SLAIN1: variants seen among roughly 807,000 people sequenced by gnomAD.
SLAIN1 encodes the protein SLAIN motif-containing protein 1.
SLAIN1 carries 17 observed loss-of-function variants against 55.4 expected under a neutral mutation model. That is an observed-to-expected ratio of 0.31 (90% CI 0.21 to 0.46). The LOEUF (loss-of-function observed/expected upper bound fraction) is 0.46, where lower values mean the gene tolerates loss of function less well. Ranked by LOEUF, SLAIN1 falls within the 20% of genes least tolerant of loss-of-function variation. The probability of loss-of-function intolerance (pLI) is 1.00; values close to 1 mark genes in which losing one functional copy is unlikely to be tolerated. For missense variants in SLAIN1, 682 were observed against 785.1 expected, an observed-to-expected ratio of 0.87 and a Z score of 1.57; for synonymous variants, 348 against 337.4, an observed-to-expected ratio of 1.03 and a Z score of -0.35.
At chr13:77,723,278 G>C (rs947123562) in intron 2 of SLAIN1, among the ~76,000 whole-genome samples, 5 of 152,138 alleles carry the variant, frequency 3.3e-5, no homozygotes, top group African/African-American at 1.2e-4. Context: ...TTTAGCCTCT[G>C]AAGAGCCATC....
chr13:77,734,744 G>C (rs985476622), intron 2 of SLAIN1, among the ~76,000 whole-genome samples: 4 of 152,132 alleles, frequency 2.6e-5, no homozygotes, highest in African/African-American at 9.7e-5. Flanking sequence ...AATGTTGGCT[G>C]GGCGGTGGCT....
intron 1 of SLAIN1, among the ~76,000 whole-genome samples, chr13:77,707,750 G>A (rs1013816103): frequency 6.6e-6 from 1 of 152,214 alleles, no homozygotes; most frequent in African/African-American, 2.4e-5. Context: ...AGAAAGAAAT[G>A]GGACCAGAAT....
chr13:77,736,540 AAACAAC>A (rs529220062), intron 2 of SLAIN1, among the ~76,000 whole-genome samples: 15 of 151,954 alleles, frequency 9.9e-5, no homozygotes, highest in Non-Finnish European at 1.9e-4. Flanking sequence ...CTCTTTTTTT[AAACAAC>A]AACAACAACA....
chr13:77,700,711 T>G (rs1158231584), intron 1 of SLAIN1, among the ~76,000 whole-genome samples: 1 of 152,076 alleles, frequency 6.6e-6, no homozygotes, highest in Non-Finnish European at 1.5e-5. Context: ...GAAATAAGAG[T>G]GCTGTTCATT....
chr13:77,703,294 C>G (rs2091049115), intron 1 of SLAIN1, among the ~76,000 whole-genome samples: 1 of 152,064 alleles, frequency 6.6e-6, no homozygotes, highest in Non-Finnish European at 1.5e-5. Flanking sequence ...ACATGTAATA[C>G]CAAGACCCCA....
intron 4 of SLAIN1, 70 bp downstream of exon 4, chr13:77,746,925 G>C: frequency 7.2e-7 from 1 of 1,395,080 alleles, no homozygotes; most frequent in Non-Finnish European, 9.8e-7. Context: ...AATGGTTTTT[G>C]TGTTTTTGTT....
In SLAIN1 at chr13:77,750,941, A is replaced by G. The variant is rs552506227; in HGVS notation, c.1259-2262A>G. Among the ~76,000 whole-genome samples the G allele has an allele frequency of 9.9e-5, 15 of 152,228 alleles. 1 individual carries two copies. In the South Asian group the frequency reaches 3.1e-3, roughly 32 times the overall value. Reference sequence around the variant, plus strand: ...TTATACATATTATCTAAGTATACTTATTGTGCTTGTTTAATCTTCTGCCTT... The same window carrying G: ...TTATACATATTATCTAAGTATACTTGTTGTGCTTGTTTAATCTTCTGCCTT... On this transcript the variant is annotated intron_variant, in intron 4 of 6. Transcript: ENST00000418532.
At chr13:77,723,727 T>C (rs905452832) in intron 2 of SLAIN1, among the ~76,000 whole-genome samples, 23 of 152,212 alleles carry the variant, frequency 1.5e-4, no homozygotes, top group Admixed American at 7.9e-4. Flanking sequence ...TGAAATTTCA[T>C]TTATTTTGTG....
intron 2 of SLAIN1, among the ~76,000 whole-genome samples, chr13:77,731,667 G>A (rs17068228): frequency 0.086 from 13,027 of 151,998 alleles, 714 homozygotes; most frequent in East Asian, 0.12. Context: ...TGGTCCTGTC[G>A]TATCTAGTGA....
rs146894472 is a variant in SLAIN1 at position 77,748,963 on chromosome 13, T to G, written c.1258+2108T>G. 2.1e-3 allele frequency among the ~76,000 whole-genome samples: 319 copies of G among 152,332 alleles called. 2 individuals carry two copies. Among genetic ancestry groups the G allele is most frequent in the Middle Eastern group, 3.4e-3 (1 of 294 alleles). On this transcript the variant is annotated intron_variant, in intron 4 of 6. Transcript: ENST00000418532. ...GAAATAATGAATGTTACATTGCATG[T>G]AGCCTGGAGTGGATGTGCTAAATAA...
At chr13:77,701,460 A>T (rs1489237099) in intron 1 of SLAIN1, among the ~76,000 whole-genome samples, 1 of 152,166 alleles carries the variant, frequency 6.6e-6, no homozygotes, top group Non-Finnish European at 1.5e-5. Flanking sequence ...TTAGTTAATG[A>T]TTAACCAGGT....
At chr13:77,723,441 A>C (rs2091279898) in intron 2 of SLAIN1, among the ~76,000 whole-genome samples, 1 of 152,156 alleles carries the variant, frequency 6.6e-6, no homozygotes. Context: ...TAGAGGGAAA[A>C]AGGATATGTG....
chr13:77,739,051 A>G (rs1873279088), intron 2 of SLAIN1, among the ~76,000 whole-genome samples: 1 of 151,914 alleles, frequency 6.6e-6, no homozygotes, highest in Non-Finnish European at 1.5e-5. Flanking sequence ...CCACTTTTCC[A>G]TGTTTGTTAC....
At chr13:77,759,584 A>G (rs1007748317) in intron 5 of SLAIN1, among the ~76,000 whole-genome samples, 4 of 152,144 alleles carry the variant, frequency 2.6e-5, no homozygotes, top group Non-Finnish European at 5.9e-5. Context: ...GGTTTGTCAT[A>G]TATCGCTTTT....
rs118180852 is a variant in SLAIN1 at position 77,741,119 on chromosome 13, G to A, written c.767-3164G>A. On this transcript the variant is annotated intron_variant, in intron 2 of 6. Coordinates refer to ENST00000418532, the MANE Select transcript of SLAIN1 (RefSeq NM_001242868.2). ...GTGATGAATGCTGCTTACTTGTGATGTGCTGCCGCCCGCATCTGTGGGTGA... is the reference window on the plus strand; with the variant it reads ...GTGATGAATGCTGCTTACTTGTGATATGCTGCCGCCCGCATCTGTGGGTGA... 81 of 984,234 alleles carry A rather than the reference G, an allele frequency of 8.2e-5. No homozygotes were observed. The East Asian group carries it at 8.0e-3, about 97-fold the overall frequency. The allele number at this position is 984,234 out of a possible 1,614,324, so 61.0% of individuals were successfully genotyped here. A position where few individuals can be genotyped will look rare whatever the true frequency, so the allele number is the denominator to read the frequency against.
At chr13:77,750,063 T>G (rs1479017336) in intron 4 of SLAIN1, among the ~76,000 whole-genome samples, 3 of 152,158 alleles carry the variant, frequency 2.0e-5, no homozygotes, top group Non-Finnish European at 4.4e-5. Flanking sequence ...TATTGTTAAT[T>G]TGTTTACATG....
chr13:77,761,816 G>C (rs996510619), intron 6 of SLAIN1, among the ~76,000 whole-genome samples: 20 of 151,982 alleles, frequency 1.3e-4, no homozygotes, highest in Non-Finnish European at 2.4e-4. Context: ...TCTTGAACTG[G>C]ATATCATGGA....
chr13:77,725,513 T>C (rs941134680), intron 2 of SLAIN1, among the ~76,000 whole-genome samples: 16 of 152,230 alleles, frequency 1.1e-4, no homozygotes, highest in Admixed American at 1.0e-3. Context: ...TTCCTTAATG[T>C]GAGCCTGGAG....
intron 2 of SLAIN1, among the ~76,000 whole-genome samples, chr13:77,742,373 G>A (rs1327547658): frequency 6.6e-6 from 1 of 151,870 alleles, no homozygotes; most frequent in Middle Eastern, 3.4e-3. Flanking sequence ...ATCACCAATA[G>A]TCTCTGTACC....
Sources: allele counts gnomAD v4.1 joint callset (sites outside exome capture counted in the v4.1 genomes callset), GRCh38; gene constraint gnomAD v4.1.1; transcripts MANE v1.5; gene names NCBI Gene and HGNC (gene_info 2026-07-23, HGNC 2026-07-21).